Variants in FUT8 observed in about 807,000 individuals in gnomAD.
FUT8 encodes the protein alpha-(1,6)-fucosyltransferase.
Under a neutral mutation model 71.3 loss-of-function variants are expected in FUT8, and 29 were observed. The observed-to-expected ratio is 0.41, with a 90% CI of 0.30 to 0.55. The LOEUF (loss-of-function observed/expected upper bound fraction) is 0.55. Ranked by LOEUF, FUT8 falls within the 20% of genes least tolerant of loss-of-function variation. FUT8 has a pLI of 0.34. For missense variants in FUT8, 544 were observed against 702.1 expected, an observed-to-expected ratio of 0.77 and a Z score of 2.55; for synonymous variants, 254 against 239.3, an observed-to-expected ratio of 1.06 and a Z score of -0.57.
rs981867015 is a variant in FUT8, at chr14:65,412,875, C to G, written c.-665C>G. ...GGCCCCCTCCCCATCCCACCCCCGC[C>G]GCCTGGCCCCAGCCGACCCGTCCCT... On this transcript the variant is annotated 5_prime_UTR_variant, in exon 1 of 11. Coordinates refer to ENST00000673929, the MANE Select transcript of FUT8 (RefSeq NM_001371533.1). The G allele has an allele frequency of 1.3e-5, 2 of 157,600 alleles. No individual in the cohort carries two copies. Among genetic ancestry groups the G allele is most frequent in the African/African-American group, 2.4e-5 (1 of 41,474 alleles). The allele number at this position is 157,600 out of a possible 1,614,324, so 9.8% of individuals were successfully genotyped here.
At chr14:65,366,570 C>G in the FUT8 span, among the ~76,000 whole-genome samples, 1 of 152,156 alleles carries the variant, frequency 6.6e-6, no homozygotes, top group Non-Finnish European at 1.5e-5. Context: ...TACCCTACCA[C>G]AGCTCTGTGC....
At chr14:65,414,946 C>T (rs2065197201) in intron 1 of FUT8, among the ~76,000 whole-genome samples, 1 of 152,018 alleles carries the variant, frequency 6.6e-6, no homozygotes, top group African/African-American at 2.4e-5. Flanking sequence ...TAAAAAGTCA[C>T]CTGAAGTTGT....
At chr14:65,703,709 A>G (rs979040504) in intron 7 of FUT8, among the ~76,000 whole-genome samples, 6 of 152,198 alleles carry the variant, frequency 3.9e-5, no homozygotes, top group Non-Finnish European at 5.9e-5. Context: ...AGAGTTAAAG[A>G]TGGGAGTGTG....
In FUT8 at chr14:65,439,954, G is replaced by GTACATATATATATATATA. The variant is rs1378430231; in HGVS notation, c.-325-15665_-325-15664insCATATATATATATATATA. Among the ~76,000 whole-genome samples, 16 of 74,974 alleles carry GTACATATATATATATATA rather than the reference G, an allele frequency of 2.1e-4. 1 individual carries two copies. In the East Asian group the frequency reaches 6.1e-3, roughly 29 times the overall value. 49.2% of individuals were successfully genotyped at this position (74,974 alleles called of 152,430 possible). On this transcript the variant is annotated intron_variant, in intron 1 of 10. Coordinates refer to ENST00000673929, the MANE Select transcript of FUT8 (RefSeq NM_001371533.1). Reference sequence around the variant, plus strand: ...ATAAAGAAAATGTGTGTGTGTGTGTGTATATATATATATATATATATATAT... The same window carrying GTACATATATATATATATA: ...ATAAAGAAAATGTGTGTGTGTGTGTGTACATATATATATATATATATATATATATATATATATATATAT...
chr14:65,531,806 G>T (rs878931479), intron 2 of FUT8, among the ~76,000 whole-genome samples: 4 of 152,024 alleles, frequency 2.6e-5, no homozygotes, highest in Admixed American at 2.6e-4. Flanking sequence ...ATTGTCTATT[G>T]TTCCTTTCGT....
intron 10 of FUT8, among the ~76,000 whole-genome samples, chr14:65,737,857 G>T (rs754659275): frequency 6.6e-6 from 1 of 151,934 alleles, no homozygotes; most frequent in Non-Finnish European, 1.5e-5. Flanking sequence ...AAATCCGCAC[G>T]CAATTCTACT....
chr14:65,531,004 T>C (rs1469170711), intron 2 of FUT8, among the ~76,000 whole-genome samples: 1 of 149,108 alleles, frequency 6.7e-6, no homozygotes, highest in African/African-American at 2.5e-5. Flanking sequence ...ATTGGTCTTA[T>C]ATTCTATCTG....
At chr14:65,563,335 A>G (rs1311516195) in intron 3 of FUT8, among the ~76,000 whole-genome samples, 2 of 152,224 alleles carry the variant, frequency 1.3e-5, no homozygotes, top group East Asian at 3.9e-4. Context: ...ATTTCACACT[A>G]TCTTTATGAG....
At chr14:65,372,477 G>T in the FUT8 span, among the ~76,000 whole-genome samples, 1 of 150,808 alleles carries the variant, frequency 6.6e-6, no homozygotes, top group East Asian at 1.9e-4. Context: ...GTGCAGTGGC[G>T]CGATCTTGGC....
intron 7 of FUT8, among the ~76,000 whole-genome samples, chr14:65,709,753 T>C (rs1030138690): frequency 1.3e-5 from 2 of 152,198 alleles, no homozygotes; most frequent in Non-Finnish European, 2.9e-5. Context: ...CAATGTGTTA[T>C]CCAACTGGCA....
the FUT8 span, among the ~76,000 whole-genome samples, chr14:65,375,753 A>T: frequency 6.6e-6 from 1 of 152,250 alleles, no homozygotes; most frequent in African/African-American, 2.4e-5. Flanking sequence ...TTTGTCAGAC[A>T]TTGCCTCTTA....
intron 7 of FUT8, among the ~76,000 whole-genome samples, chr14:65,703,942 T>G (rs1160162874): frequency 6.6e-6 from 1 of 152,240 alleles, no homozygotes; most frequent in African/African-American, 2.4e-5. Flanking sequence ...AAGTGTTTTG[T>G]TTTTGCTTCC....
intron 7 of FUT8, among the ~76,000 whole-genome samples, chr14:65,676,005 T>A (rs1431288666): frequency 1.3e-5 from 2 of 150,406 alleles, no homozygotes; most frequent in African/African-American, 5.0e-5. Context: ...TCAAAAAAAA[T>A]AAATAAACAA....
intron 9 of FUT8, among the ~76,000 whole-genome samples, chr14:65,731,975 TC>T (rs1208712963): frequency 6.6e-6 from 1 of 152,232 alleles, no homozygotes; most frequent in Non-Finnish European, 1.5e-5. Flanking sequence ...TTCCCCCCTT[TC>T]TTTCTCCCTC....
chr14:65,395,005 G>T, the FUT8 span, among the ~76,000 whole-genome samples: 7,574 of 152,250 alleles, frequency 0.05, 328 homozygotes, highest in South Asian at 0.19. Flanking sequence ...GCCTCCCAGA[G>T]TGCTGGGATT....
intron 2 of FUT8, among the ~76,000 whole-genome samples, chr14:65,518,159 G>T (rs1882837386): frequency 6.6e-6 from 1 of 152,242 alleles, no homozygotes; most frequent in East Asian, 1.9e-4. Context: ...GTTTAACACT[G>T]GAATACTAGC....
At chr14:65,423,182 C>A (rs1208854268) in intron 1 of FUT8, among the ~76,000 whole-genome samples, 1 of 151,204 alleles carries the variant, frequency 6.6e-6, no homozygotes, top group Non-Finnish European at 1.5e-5. Flanking sequence ...GACGGGGTTT[C>A]ACCATATCGG....
chr14:65,576,696 C>CTTTTTTTTT lies in FUT8; in HGVS notation c.203+14963_203+14971dup, dbSNP rs376473739. Among the ~76,000 whole-genome samples, 25 of 96,214 alleles carry CTTTTTTTTT rather than the reference C, an allele frequency of 2.6e-4. 1 individual carries two copies. Among genetic ancestry groups the CTTTTTTTTT allele is most frequent in the African/African-American group, 5.0e-4 (8 of 15,906 alleles). The allele number at this position is 96,214 out of a possible 152,430, so 63.1% of individuals were successfully genotyped here. On this transcript the variant is annotated intron_variant, in intron 3 of 10. Transcript: ENST00000673929. The stretch of plus-strand genomic sequence containing the variant: ...GGTGTGTGCCATGATGCCCAGCTTG[C>CTTTTTTTTT]TTTTTTTTTTTTTTTTTTTTTTTTT...
chr14:65,551,887 G>A (rs1419650717), intron 2 of FUT8, among the ~76,000 whole-genome samples: 1 of 151,996 alleles, frequency 6.6e-6, no homozygotes, highest in Non-Finnish European at 1.5e-5. Flanking sequence ...CAGTATGGTT[G>A]GATCTTACAA....
Sources: gnomAD v4.1 joint callset for allele counts (sites outside exome capture counted in the v4.1 genomes callset) on GRCh38, gnomAD v4.1.1 for gene constraint, MANE v1.5 for transcripts, NCBI Gene and HGNC (gene_info 2026-07-23, HGNC 2026-07-21) for gene names.